The following PKD2 variants were observed in gnomAD, a reference collection of about 807,000 sequenced individuals.
The protein encoded by PKD2 is polycystin 2, transient receptor potential cation channel.
Under a neutral mutation model 105.9 loss-of-function variants are expected in PKD2, and 48 were observed. The observed-to-expected ratio is 0.45, with a 90% CI of 0.36 to 0.58. The LOEUF (loss-of-function observed/expected upper bound fraction) is 0.58, where lower values mean the gene tolerates loss of function less well. Ranked by LOEUF, PKD2 falls within the 20% of genes least tolerant of loss-of-function variation. PKD2 has a pLI of 0.00. For synonymous variants in PKD2, 464 were observed against 481.1 expected (o/e 0.96, Z 0.46); for missense variants, 1,078 against 1,255.3 (o/e 0.86, Z 2.13).
intron 2 of PKD2, among the ~76,000 whole-genome samples, chr4:88,021,411 T>C (rs1726742796): frequency 6.6e-6 from 1 of 152,240 alleles, no homozygotes; most frequent in South Asian, 2.1e-4. Flanking sequence ...TTGGTTTTCT[T>C]GTTTATTTGA....
At chr4:88,060,023 C>T (rs927743283) in intron 9 of PKD2, among the ~76,000 whole-genome samples, 5 of 152,154 alleles carry the variant, frequency 3.3e-5, no homozygotes, top group African/African-American at 1.2e-4. Context: ...ATTCAGGGAA[C>T]CTCGGGAGAC....
chr4:88,021,272 A>G (rs1369172780), intron 2 of PKD2, among the ~76,000 whole-genome samples: 2 of 152,236 alleles, frequency 1.3e-5, no homozygotes, highest in East Asian at 3.9e-4. Flanking sequence ...TCCGAGATCT[A>G]CTAACAGAGC....
chr4:88,071,741 T>C (rs374165814), intron 13 of PKD2, among the ~76,000 whole-genome samples: 4 of 152,314 alleles, frequency 2.6e-5, no homozygotes, highest in African/African-American at 9.6e-5. Flanking sequence ...AGGGCGCAGC[T>C]GTGGCCATGT....
chr4:88,035,123 A>G (rs995885959), intron 2 of PKD2, among the ~76,000 whole-genome samples: 2 of 152,220 alleles, frequency 1.3e-5, no homozygotes, highest in Non-Finnish European at 2.9e-5. Context: ...TGAAGAGGAA[A>G]CTGAAGCTCA....
At chr4:88,030,150 A>G (rs1239512413) in intron 2 of PKD2, among the ~76,000 whole-genome samples, 1 of 152,072 alleles carries the variant, frequency 6.6e-6, no homozygotes, top group Non-Finnish European at 1.5e-5. Context: ...TCTTCCATTT[A>G]TTTATTTATG....
intron 6 of PKD2, among the ~76,000 whole-genome samples, chr4:88,051,154 T>C (rs1720082185): frequency 6.6e-6 from 1 of 152,046 alleles, no homozygotes; most frequent in Non-Finnish European, 1.5e-5. Context: ...AACCAAAGCA[T>C]ATGTGGAAAG....
chr4:88,032,096 C>T (rs934203192), intron 2 of PKD2, among the ~76,000 whole-genome samples: 6 of 151,978 alleles, frequency 3.9e-5, no homozygotes, highest in Non-Finnish European at 5.9e-5. Context: ...ACAGTTCATG[C>T]TTTTTTGTCA....
chr4:88,043,522 T>A, intron 5 of PKD2, 65 bp downstream of exon 5: 2 of 1,232,418 alleles, frequency 1.6e-6, no homozygotes, highest in Non-Finnish European at 1.2e-6. Context: ...TATTCTGGGG[T>A]TAGCCAGAAA....
chr4:88,054,747 T>C (rs932141001), intron 7 of PKD2, among the ~76,000 whole-genome samples: 4 of 147,990 alleles, frequency 2.7e-5, no homozygotes, highest in Non-Finnish European at 5.9e-5. Flanking sequence ...CTCCGTCTCC[T>C]GGGTTCACGC....
intron 2 of PKD2, among the ~76,000 whole-genome samples, chr4:88,027,341 C>G (rs1468466135): frequency 6.6e-6 from 1 of 152,208 alleles, no homozygotes; most frequent in African/African-American, 2.4e-5. Flanking sequence ...TTTTGGAGAT[C>G]TAAGATTTAA....
chr4:88,041,684 C>T (rs905783733), intron 4 of PKD2, among the ~76,000 whole-genome samples: 1 of 152,118 alleles, frequency 6.6e-6, no homozygotes, highest in African/African-American at 2.4e-5. Context: ...CCAAAATTCC[C>T]GACTCTCAGA....
intron 3 of PKD2, among the ~76,000 whole-genome samples, chr4:88,036,664 G>A (rs1308110050): frequency 6.6e-6 from 1 of 152,156 alleles, no homozygotes; most frequent in Non-Finnish European, 1.5e-5. Flanking sequence ...TGAGATTCAG[G>A]ATGTTTAAAT....
intron 9 of PKD2, among the ~76,000 whole-genome samples, chr4:88,058,520 C>G (rs1027751899): frequency 6.6e-6 from 1 of 152,076 alleles, no homozygotes; most frequent in African/African-American, 2.4e-5. Context: ...TAGTCACTTG[C>G]TAGCATGACT....
intron 10 of PKD2, among the ~76,000 whole-genome samples, chr4:88,064,671 C>T (rs1047425003): frequency 6.6e-6 from 1 of 151,748 alleles, no homozygotes; most frequent in Non-Finnish European, 1.5e-5. Context: ...GCAGGCAGAT[C>T]GCTTGAGCTC....
At chr4:88,027,120 G>A (rs1726986318) in intron 2 of PKD2, among the ~76,000 whole-genome samples, 1 of 152,242 alleles carries the variant, frequency 6.6e-6, no homozygotes, top group African/African-American at 2.4e-5. Context: ...GCCTCATGGA[G>A]CTGTGAGAAA....
intron 10 of PKD2, among the ~76,000 whole-genome samples, chr4:88,062,312 C>T (rs1184441499): frequency 6.6e-6 from 1 of 152,184 alleles, no homozygotes; most frequent in Non-Finnish European, 1.5e-5. Context: ...AGCTGGCTCT[C>T]ACTTCAGGAT....
In PKD2 at chr4:88,007,935, C is replaced by G. The variant is rs1186029391; in HGVS notation, c.202C>G (p.Pro68Ala). ...CCGGCAGGCGGCCGCGCGGGACCCC[C>G]CGGCCGGAGCCGCGGCCTCCCCTTC... ...RIRQAAARDP[P>A]AGAAASPSPP... Residue 68 changes from proline (P) to alanine (A), a missense_variant, in exon 1 of 15, where the codon CCG becomes GCG. Pro to Ala is a conservative substitution (Grantham distance 27). Transcript: ENST00000237596. 2 of 1,461,782 alleles carry G rather than the reference C, an allele frequency of 1.4e-6. No homozygotes were observed. The highest frequency in any genetic ancestry group is 1.8e-6 in the Non-Finnish European group (2 of 1,105,446). The allele number at this position is 1,461,782 out of a possible 1,614,324, so 90.6% of individuals were successfully genotyped here.
intron 13 of PKD2, 101 bp downstream of exon 13, chr4:88,068,162 A>G: frequency 1.0e-6 from 1 of 1,003,000 alleles, no homozygotes; most frequent in Non-Finnish European, 1.6e-6. Context: ...ATTACTAATC[A>G]TCCAGCTTTT....
rs564641800 is a variant in PKD2, at chr4:88,075,091, T to G, written c.2670+132T>G. 173 of 934,524 alleles carry G rather than the reference T, an allele frequency of 1.9e-4. 1 individual carries two copies. In the South Asian group the frequency reaches 2.6e-3, roughly 14 times the overall value. The allele number at this position is 934,524 out of a possible 1,614,324, so 57.9% of individuals were successfully genotyped here. On this transcript the variant is annotated intron_variant, in intron 14 of 14. Coordinates refer to ENST00000237596, the MANE Select transcript of PKD2 (RefSeq NM_000297.4). ...TTACGTTTATAGAAATTCACAATGATGTTTCCATTTACTCTCATTTTCAGA... is the reference window on the plus strand; with the variant it reads ...TTACGTTTATAGAAATTCACAATGAGGTTTCCATTTACTCTCATTTTCAGA...
Sources: gnomAD v4.1 joint callset for allele counts (sites outside exome capture counted in the v4.1 genomes callset) on GRCh38, gnomAD v4.1.1 for gene constraint, MANE v1.5 for transcripts, NCBI Gene and HGNC (gene_info 2026-07-23, HGNC 2026-07-21) for gene names.